Variants in EXOC4 observed in about 807,000 individuals in gnomAD.
The protein encoded by EXOC4 is SEC8-like 1.
EXOC4 carries 71 observed loss-of-function variants against 107.2 expected under a neutral mutation model. The observed-to-expected ratio is 0.66, with a 90% CI of 0.55 to 0.81. The LOEUF (loss-of-function observed/expected upper bound fraction) is 0.81, where lower values mean the gene tolerates loss of function less well. Ranked by LOEUF, EXOC4 falls within the 30% of genes least tolerant of loss-of-function variation. The pLI, the probability that EXOC4 is intolerant of heterozygous loss-of-function variation, is 0.00. For synonymous variants in EXOC4, 456 were observed against 441.2 expected (o/e 1.03, Z -0.42); for missense variants, 1,108 against 1,189.6 (o/e 0.93, Z 1.01).
At chr7:133,550,712 C>T (rs1455762421) in intron 9 of EXOC4, among the ~76,000 whole-genome samples, 1 of 152,170 alleles carries the variant, frequency 6.6e-6, no homozygotes, top group African/African-American at 2.4e-5. Flanking sequence ...AGTTCCCTAA[C>T]TTCACAAATG....
intron 10 of EXOC4, among the ~76,000 whole-genome samples, chr7:133,753,553 C>T (rs935204911): frequency 2.4e-4 from 37 of 152,184 alleles, no homozygotes; most frequent in Admixed American, 2.0e-3. Flanking sequence ...GACATTAAAT[C>T]GCCCTACCAG....
chr7:133,942,595 G>A (rs1800457025), intron 14 of EXOC4, among the ~76,000 whole-genome samples: 1 of 152,110 alleles, frequency 6.6e-6, no homozygotes, highest in Non-Finnish European at 1.5e-5. Flanking sequence ...AGGTCTCAGG[G>A]TGGTTATATC....
intron 5 of EXOC4, among the ~76,000 whole-genome samples, chr7:133,332,537 C>G (rs891046221): frequency 6.6e-6 from 1 of 152,168 alleles, no homozygotes; most frequent in African/African-American, 2.4e-5. Context: ...ATCTCTTGAA[C>G]TTGGGAGGCA....
chr7:133,690,767 A>G lies in EXOC4; in HGVS notation c.1514+60626A>G, dbSNP rs185449553. The stretch of plus-strand genomic sequence containing the variant: ...AAGAGAAAATCAAAAAAGTAGTCTC[A>G]GGGTCTTGTATCATTCAAACATAGG... On this transcript the variant is annotated intron_variant, in intron 10 of 17. Transcript: ENST00000253861. Among the ~76,000 whole-genome samples, 5 of 152,314 alleles carry G rather than the reference A, an allele frequency of 3.3e-5. No individual in the cohort carries two copies. In the East Asian group the frequency reaches 9.6e-4, roughly 29 times the overall value.
chr7:133,392,628 T>C (rs1796878559), intron 7 of EXOC4, among the ~76,000 whole-genome samples: 1 of 152,176 alleles, frequency 6.6e-6, no homozygotes, highest in Non-Finnish European at 1.5e-5. Context: ...CCACAGACTT[T>C]TACTGTGTCC....
Position 133,275,120 on chromosome 7 carries a change from A to G in EXOC4, c.225A>G (p.Thr75=), listed in dbSNP as rs1793958767. ...CAGAATTGACGACAGCCATTCGCAC[A>G]TACCAGAGCATCACAGAGCGCATCA... The part of the protein sequence containing the change: ...HYTELTTAIR[T]YQSITERITN... The change falls in exon 2 of 18, where the codon ACA becomes ACG. Residue 75 remains threonine, a synonymous_variant. Transcript: ENST00000253861. 1 of 1,613,126 alleles carries G rather than the reference A, an allele frequency of 6.2e-7. No homozygotes were observed. The highest frequency in any genetic ancestry group is 1.1e-5 in the South Asian group (1 of 90,988).
chr7:133,749,614 C>T (rs936531544), intron 10 of EXOC4, among the ~76,000 whole-genome samples: 1 of 152,064 alleles, frequency 6.6e-6, no homozygotes, highest in African/African-American at 2.4e-5. Flanking sequence ...GGCTGGTCTT[C>T]AACTCCTGAC....
At chr7:134,075,452 A>G in the EXOC4 span, among the ~76,000 whole-genome samples, 2 of 152,178 alleles carry the variant, frequency 1.3e-5, no homozygotes, top group African/African-American at 2.4e-5. Context: ...AGACCTCACA[A>G]TCATGGTGGA....
At chr7:133,755,261 ATATT>A (rs1310244160) in intron 10 of EXOC4, among the ~76,000 whole-genome samples, 4 of 76,324 alleles carry the variant, frequency 5.2e-5, no homozygotes, top group Non-Finnish European at 7.6e-5. Flanking sequence ...TATTATATAT[ATATT>A]ATATATATTA....
intron 11 of EXOC4, among the ~76,000 whole-genome samples, chr7:133,829,819 TC>T (rs1438152076): frequency 6.6e-6 from 1 of 152,186 alleles, no homozygotes. Context: ...TCAGTTAAAG[TC>T]CTGCTTTGGG....
intron 14 of EXOC4, among the ~76,000 whole-genome samples, chr7:133,981,771 A>C (rs1339867728): frequency 2.0e-5 from 3 of 152,240 alleles, no homozygotes; most frequent in Non-Finnish European, 4.4e-5. Flanking sequence ...AGGAATATAA[A>C]TAGTTCTACT....
At chr7:133,994,757 TTGTGTGTGTGTGTG>T (rs68167254) in intron 14 of EXOC4, among the ~76,000 whole-genome samples, 7 of 148,490 alleles carry the variant, frequency 4.7e-5, no homozygotes, top group Non-Finnish European at 7.5e-5. Context: ...GTACAAGGTT[TTGTGTGTGTGTGTG>T]TGTGTGTGTG....
At chr7:133,651,355 C>G (rs753350723) in intron 10 of EXOC4, among the ~76,000 whole-genome samples, 2 of 123,636 alleles carry the variant, frequency 1.6e-5, no homozygotes, top group African/African-American at 2.7e-5. Flanking sequence ...AAAACCAAAA[C>G]AAAATAAGAA....
chr7:133,560,977 T>C (rs1800793718), intron 9 of EXOC4, among the ~76,000 whole-genome samples: 1 of 152,012 alleles, frequency 6.6e-6, no homozygotes, highest in Admixed American at 6.6e-5. Flanking sequence ...GATCAGTGAC[T>C]CAGTAAAGTC....
chr7:133,612,643 A>C (rs1200999564), intron 9 of EXOC4, among the ~76,000 whole-genome samples: 2 of 152,190 alleles, frequency 1.3e-5, no homozygotes, highest in African/African-American at 2.4e-5. Flanking sequence ...GTCCACCTAC[A>C]GGGGACAAGG....
At chr7:133,852,585 A>T (rs960819242) in intron 11 of EXOC4, among the ~76,000 whole-genome samples, 6 of 152,208 alleles carry the variant, frequency 3.9e-5, no homozygotes, top group African/African-American at 1.4e-4. Flanking sequence ...AGAAAAGAAA[A>T]TTAGCATAAT....
At chr7:133,840,804 G>C (rs999864084) in intron 11 of EXOC4, among the ~76,000 whole-genome samples, 4 of 152,084 alleles carry the variant, frequency 2.6e-5, no homozygotes, top group Admixed American at 2.6e-4. Context: ...TCCTTACCAA[G>C]TTTGTGGTTC....
intron 14 of EXOC4, among the ~76,000 whole-genome samples, chr7:133,982,378 A>C (rs1050042838): frequency 1.3e-5 from 2 of 152,036 alleles, no homozygotes; most frequent in Admixed American, 1.3e-4. Flanking sequence ...CAGTGAAACC[A>C]CGTCTCTACT....
Position 133,374,921 on chromosome 7 carries a change from A to C in EXOC4, c.1101A>C (p.Val367=). The change falls in exon 7 of 18, where the codon GTA becomes GTC. Residue 367 remains valine, a synonymous_variant. Transcript: ENST00000253861. ...TCCTGGGATACCTGCAGGACACTGT[A>C]GTGACTCCACTGACTCAGCAGGAAG... The part of the protein sequence containing the change: ...SVVLGYLQDT[V]VTPLTQQEDI... 6.2e-7 allele frequency: 1 copy of C among 1,614,058 alleles called. No homozygotes were observed. Among genetic ancestry groups the C allele is most frequent in the Admixed American group, 1.7e-5 (1 of 60,026 alleles).
Sources: gnomAD v4.1 joint callset for allele counts (sites outside exome capture counted in the v4.1 genomes callset) on GRCh38, gnomAD v4.1.1 for gene constraint, MANE v1.5 for transcripts, NCBI Gene and HGNC (gene_info 2026-07-23, HGNC 2026-07-21) for gene names.